GSG1L: variants seen among roughly 807,000 people sequenced by gnomAD.
GSG1L encodes the protein germ cell-specific gene 1-like protein.
In GSG1L, 24 loss-of-function variants were observed where a neutral mutation model predicts 42.1. The observed-to-expected ratio is 0.57, with a 90% CI of 0.41 to 0.80. GSG1L has a LOEUF of 0.80. Ranked by LOEUF, GSG1L falls within the 30% of genes least tolerant of loss-of-function variation. The pLI is 0.00. For synonymous variants in GSG1L, 215 were observed against 203.5 expected, an observed-to-expected ratio of 1.06 and a Z score of -0.48; for missense variants, 445 against 472.2, an observed-to-expected ratio of 0.94 and a Z score of 0.53.
At chr16:27,924,971 C>T (rs1476151751) in intron 2 of GSG1L, among the ~76,000 whole-genome samples, 1 of 152,206 alleles carries the variant, frequency 6.6e-6, no homozygotes, top group African/African-American at 2.4e-5. Context: ...CTAAACCAAT[C>T]ACTGTCAAGG....
chr16:27,984,946 T>C (rs755743438), intron 1 of GSG1L, among the ~76,000 whole-genome samples: 40 of 151,944 alleles, frequency 2.6e-4, no homozygotes, highest in Non-Finnish European at 5.2e-4. Flanking sequence ...TTTGTAGAGA[T>C]GGGGTTTTGC....
At chr16:27,796,741 C>T (rs1042836726) in intron 6 of GSG1L, among the ~76,000 whole-genome samples, 2 of 152,180 alleles carry the variant, frequency 1.3e-5, no homozygotes, top group Non-Finnish European at 2.9e-5. Flanking sequence ...AGGGATTCCA[C>T]GTTTCTGAGC....
chr16:27,881,025 G>T (rs1045034170), intron 3 of GSG1L, among the ~76,000 whole-genome samples: 2 of 151,826 alleles, frequency 1.3e-5, no homozygotes, highest in African/African-American at 4.8e-5. Context: ...AAGGATAGCC[G>T]AGGGATCTCC....
Position 27,791,416 on chromosome 16 carries a change from G to A in GSG1L, c.950C>T (p.Ala317Val). The change falls in exon 7 of 7, where the codon GCA becomes GTA. Residue 317 changes from alanine (A) to valine (V), a missense_variant. Ala to Val is a moderately conservative substitution (Grantham distance 64). Around this residue, in one of 3 missense-constraint regions of GSG1L, gnomAD observed 140 missense variants for 120.6 expected, o/e 1.16. Coordinates refer to ENST00000447459, the MANE Select transcript of GSG1L (RefSeq NM_001109763.2). ...CCAGCACTGTCGGTTCAGCTCTGGT[G>A]CTTCCTGTGCGGAGCTCCGGGGCCA... ...DSWPRSSAQE[A>V]PELNRQCWVL... 2 of 1,529,922 alleles carry A rather than the reference G, an allele frequency of 1.3e-6. No homozygotes were observed. The highest frequency in any genetic ancestry group is 1.3e-5 in the South Asian group (1 of 79,680). 94.8% of individuals were successfully genotyped at this position (1,529,922 alleles called of 1,614,324 possible). A position where few individuals can be genotyped will look rare whatever the true frequency, so the allele number is the denominator to read the frequency against.
chr16:27,989,321 T>G (rs937310467), intron 1 of GSG1L, among the ~76,000 whole-genome samples: 1 of 152,224 alleles, frequency 6.6e-6, no homozygotes, highest in Admixed American at 6.5e-5. Context: ...CCTTTGATAT[T>G]TGACATACTT....
chr16:27,995,905 C>T (rs1036116132), intron 1 of GSG1L, among the ~76,000 whole-genome samples: 1 of 151,836 alleles, frequency 6.6e-6, no homozygotes. Context: ...CACACACACA[C>T]ACACACACAC....
chr16:27,921,726 A>G (rs1412223837), intron 2 of GSG1L, among the ~76,000 whole-genome samples: 2 of 152,204 alleles, frequency 1.3e-5, no homozygotes, highest in Non-Finnish European at 2.9e-5. Context: ...TGCCCTGTAT[A>G]TAACCAGATC....
At chr16:27,881,939 G>C (rs1026767327) in intron 3 of GSG1L, among the ~76,000 whole-genome samples, 1 of 152,042 alleles carries the variant, frequency 6.6e-6, no homozygotes, top group Non-Finnish European at 1.5e-5. Flanking sequence ...GCAGCCTCCT[G>C]GTTGGCCTCC....
rs755867061 is a variant in GSG1L at position 28,059,296 on chromosome 16, G to A, written c.349+3780C>T. ...GAAACATGCTCCTTCCTACCCCAAC[G>A]TCTCTGGGACTGTGGGAGGGGCCAC... On this transcript the variant is annotated intron_variant, in intron 1 of 6. Transcript: ENST00000447459. The surrounding 1 kb of genome is among the most constrained non-coding windows in gnomAD (Gnocchi z 4.4). Among the ~76,000 whole-genome samples the A allele has an allele frequency of 6.6e-6, 1 of 152,096 alleles. No homozygotes were observed. Among genetic ancestry groups the A allele is most frequent in the African/African-American group, 2.4e-5 (1 of 41,400 alleles).
intron 2 of GSG1L, among the ~76,000 whole-genome samples, chr16:27,945,674 A>G (rs534960550): frequency 6.6e-6 from 1 of 152,344 alleles, no homozygotes; most frequent in Admixed American, 6.5e-5. Flanking sequence ...CCAATGGGAG[A>G]GGGGGCTCCA....
intron 5 of GSG1L, among the ~76,000 whole-genome samples, chr16:27,823,331 G>A (rs146966589): frequency 3.7e-4 from 56 of 152,156 alleles, no homozygotes; most frequent in Admixed American, 1.2e-3. Context: ...ATACGCACAC[G>A]CACACAGACG....
At chr16:27,991,529 C>G (rs370246739) in intron 1 of GSG1L, among the ~76,000 whole-genome samples, 24 of 151,896 alleles carry the variant, frequency 1.6e-4, no homozygotes, top group African/African-American at 5.3e-4. Context: ...CTCAGCCTCC[C>G]GAGTAGCTGG....
At chr16:27,941,469 A>G (rs373522095) in intron 2 of GSG1L, among the ~76,000 whole-genome samples, 1 of 147,280 alleles carries the variant, frequency 6.8e-6, no homozygotes, top group Non-Finnish European at 1.5e-5. Flanking sequence ...TCAGGAGTTC[A>G]AGAACAGCCT....
rs77771174 is a variant in GSG1L at position 27,994,161 on chromosome 16, C to T, written c.350-30958G>A. 2.8e-3 allele frequency among the ~76,000 whole-genome samples: 426 copies of T among 152,250 alleles called. 1 individual carries two copies. Among genetic ancestry groups the T allele is most frequent in the African/African-American group, 9.7e-3 (402 of 41,536 alleles). On this transcript the variant is annotated intron_variant, in intron 1 of 6. Transcript: ENST00000447459. ...GATACCACAGGAGAGGCTGCTACAA[C>T]GGCTACATTCTGGTGCATTGGCGAG...
chr16:27,980,904 A>C (rs2085318609), intron 1 of GSG1L, among the ~76,000 whole-genome samples: 1 of 150,470 alleles, frequency 6.6e-6, no homozygotes, highest in Non-Finnish European at 1.5e-5. Flanking sequence ...CAAAAAACAA[A>C]AAAAAAAAAA....
rs572921380 is a variant in GSG1L, at chr16:27,822,108, G to A, written c.830+6681C>T. On this transcript the variant is annotated intron_variant, in intron 5 of 6. Transcript: ENST00000447459. ...GGATGGGGTGAGGGGGGCGGGGGCAGGGAGAGGGGAACCCCAGCTTTGTTT... is the reference window on the plus strand; with the variant it reads ...GGATGGGGTGAGGGGGGCGGGGGCAAGGAGAGGGGAACCCCAGCTTTGTTT... Among the ~76,000 whole-genome samples, 4 of 152,068 alleles carry A rather than the reference G, an allele frequency of 2.6e-5. No individual in the cohort carries two copies. The East Asian group carries it at 7.8e-4, about 29-fold the overall frequency.
intron 4 of GSG1L, among the ~76,000 whole-genome samples, chr16:27,830,505 T>C (rs556088620): frequency 6.6e-6 from 1 of 152,276 alleles, no homozygotes; most frequent in Non-Finnish European, 1.5e-5. Flanking sequence ...ACCATCTATT[T>C]CCCTTAACAC....
chr16:27,940,312 AG>A (rs1164164046), intron 2 of GSG1L, among the ~76,000 whole-genome samples: 1 of 150,196 alleles, frequency 6.7e-6, no homozygotes, highest in East Asian at 1.9e-4. Context: ...TCAGGGATCT[AG>A]AACTAGAAAT....
In GSG1L at chr16:27,888,511, CTTTCTTT is replaced by C. The variant is rs2084076517; in HGVS notation, c.398-3880_398-3874del. Among the ~76,000 whole-genome samples the C allele has an allele frequency of 1.1e-3, 16 of 14,128 alleles. 4 individuals are homozygous for C. The highest frequency in any genetic ancestry group is 3.5e-3 in the Admixed American group (3 of 854). 9.3% of individuals were successfully genotyped at this position (14,128 alleles called of 152,430 possible). ...TCTTTCTTTCTTTCTTTCTTTCTTT[CTTTCTTT>C]CTTTCTTTCTTTCTTTCTTTCTTTC... On this transcript the variant is annotated intron_variant, in intron 2 of 6. Transcript: ENST00000447459.
Sources: allele counts gnomAD v4.1 joint callset (sites outside exome capture counted in the v4.1 genomes callset), GRCh38; gene constraint gnomAD v4.1.1; regional missense constraint gnomAD v4.1.1; non-coding constraint Gnocchi (gnomAD v3.1); transcripts MANE v1.5; gene names NCBI Gene and HGNC (gene_info 2026-07-23, HGNC 2026-07-21).